The following TP73 variants were observed in gnomAD, a reference collection of about 807,000 sequenced individuals.
TP73 encodes p53-like transcription factor.
TP73 carries 25 observed loss-of-function variants against 62.5 expected under a neutral mutation model. The ratio of observed to expected loss-of-function variants is 0.40; its 90% CI spans 0.29 to 0.56. The LOEUF (loss-of-function observed/expected upper bound fraction) is 0.56. Among genes scored for constraint, TP73 ranks in the 20% least tolerant of loss-of-function variants. The pLI is 0.46. For missense variants in TP73, 754 were observed against 913.3 expected (o/e 0.83, Z 2.25); for synonymous variants, 423 against 377.5 (o/e 1.12, Z -1.40).
chr1:3,678,728 C>T (rs1645433422), intron 1 of TP73, among the ~76,000 whole-genome samples: 1 of 152,128 alleles, frequency 6.6e-6, no homozygotes, highest in South Asian at 2.1e-4. Flanking sequence ...CCTCAGGGGG[C>T]CTGTCCCAGG....
chr1:3,669,246 G>A (rs1356773161), intron 1 of TP73, among the ~76,000 whole-genome samples: 2 of 152,188 alleles, frequency 1.3e-5, no homozygotes, highest in Admixed American at 1.3e-4. Context: ...CAGTGGCTCC[G>A]GGGGCCCACC....
chr1:3,692,842 G>A (rs1645886985), intron 3 of TP73, among the ~76,000 whole-genome samples: 1 of 152,100 alleles, frequency 6.6e-6, no homozygotes, highest in Non-Finnish European at 1.5e-5. Flanking sequence ...CCCGGGAGGG[G>A]TGGGGAGGTG....
At chr1:3,679,630 GTCTC>G (rs1306600570) in intron 1 of TP73, among the ~76,000 whole-genome samples, 6 of 146,622 alleles carry the variant, frequency 4.1e-5, no homozygotes, top group African/African-American at 1.0e-4. Context: ...CTTTGTCCCT[GTCTC>G]TCTGTCTCTG....
chr1:3,702,428 C>T (rs1031703606), intron 3 of TP73, among the ~76,000 whole-genome samples: 25 of 152,136 alleles, frequency 1.6e-4, no homozygotes, highest in Non-Finnish European at 3.2e-4. Flanking sequence ...CTGGCCCAGG[C>T]GAGAGAGCAG....
intron 3 of TP73, among the ~76,000 whole-genome samples, chr1:3,689,999 C>G (rs1319950087): frequency 6.6e-6 from 1 of 152,210 alleles, no homozygotes; most frequent in African/African-American, 2.4e-5. Context: ...GTGCGGGGCA[C>G]CACTGCAGAG....
At chr1:3,714,928 T>A (rs1034901087) in intron 4 of TP73, among the ~76,000 whole-genome samples, 2 of 152,224 alleles carry the variant, frequency 1.3e-5, no homozygotes, top group African/African-American at 4.8e-5. Context: ...AGCTCATTCC[T>A]TCCCGGGCTT....
At chr1:3,709,542 T>C (rs1639960116) in intron 4 of TP73, among the ~76,000 whole-genome samples, 1 of 152,174 alleles carries the variant, frequency 6.6e-6, no homozygotes, top group Non-Finnish European at 1.5e-5. Context: ...AGTGGTTCCG[T>C]GGCAGCTGCA....
At chr1:3,729,569 G>T (rs927954010) in intron 10 of TP73, 121 bp downstream of exon 10, 12 of 1,561,570 alleles carry the variant, frequency 7.7e-6, no homozygotes, top group Non-Finnish European at 1.0e-5. Flanking sequence ...ACAGGCAGCA[G>T]GGTCCAGAGC....
chr1:3,716,672 G>A (rs1356546480), intron 4 of TP73, among the ~76,000 whole-genome samples: 1 of 152,194 alleles, frequency 6.6e-6, no homozygotes, highest in African/African-American at 2.4e-5. Flanking sequence ...CCACGAAGGG[G>A]GCTGTCACCA....
At chr1:3,686,230 G>A (rs1036515253) in intron 3 of TP73, among the ~76,000 whole-genome samples, 2 of 152,248 alleles carry the variant, frequency 1.3e-5, no homozygotes, top group African/African-American at 4.8e-5. Context: ...GCAGTGGGGC[G>A]TGCCTTCCGC....
At chr1:3,704,725 C>CTGA in intron 3 of TP73, among the ~76,000 whole-genome samples, 1 of 152,272 alleles carries the variant, frequency 6.6e-6, no homozygotes, top group East Asian at 1.9e-4. Flanking sequence ...TCTTGGGCCT[C>CTGA]GGTGAGGAGT....
At chr1:3,665,294 C>A (rs556073768) in intron 1 of TP73, among the ~76,000 whole-genome samples, 17 of 151,966 alleles carry the variant, frequency 1.1e-4, no homozygotes, top group South Asian at 4.2e-4. Flanking sequence ...TTGTGAAAGT[C>A]CCCCCCAAGC....
In TP73 at chr1:3,707,684, A is replaced by T. The variant is rs770818561; in HGVS notation, c.322A>T (p.Thr108Ser). Residue 108 changes from threonine (T) to serine (S), a missense_variant, in exon 4 of 14, where the codon ACC becomes TCC. Thr to Ser is a moderately conservative substitution (Grantham distance 58). Transcript: ENST00000378295. ...PYAQPSSTFDTMSPAPVIPSN... is the reference protein window; with the variant it reads ...PYAQPSSTFDSMSPAPVIPSN... ...CGCACAACCCAGCTCCACCTTCGAC[A>T]CCATGTCGCCGGCGCCTGTCATCCC... The T allele has an allele frequency of 1.9e-6, 3 of 1,612,974 alleles. No individual in the cohort carries two copies.
chr1:3,730,606 C>T (rs1229128273), intron 11 of TP73, among the ~76,000 whole-genome samples: 1 of 152,164 alleles, frequency 6.6e-6, no homozygotes, highest in Non-Finnish European at 1.5e-5. Flanking sequence ...AAGCATGTTC[C>T]CAGTGCCGTG....
intron 4 of TP73, chr1:3,714,109 CAA>C (rs959722184): frequency 6.6e-6 from 1 of 152,138 alleles, no homozygotes; most frequent in African/African-American, 2.4e-5. Flanking sequence ...ATTCGGAGGC[CAA>C]AATTCTCCTT....
chr1:3,731,572 A>T lies in TP73; in HGVS notation c.1578+16A>T, dbSNP rs1371580394. 6.2e-7 allele frequency: 1 copy of T among 1,611,994 alleles called. No individual in the cohort carries two copies. Among genetic ancestry groups the T allele is most frequent in the Non-Finnish European group, 8.5e-7 (1 of 1,178,844 alleles). ...GACCATTGAGGTAACGCCCGGGTGG[A>T]CCCCGCTCTGCAGAGGCAGTAGCTG... On this transcript the variant is annotated intron_variant, in intron 13 of 13. Coordinates refer to ENST00000378295, the MANE Select transcript of TP73 (RefSeq NM_005427.4).
chr1:3,682,255 C>T (rs927078466), intron 1 of TP73, 78 bp from the exon 2 acceptor site: 18 of 1,152,432 alleles, frequency 1.6e-5, no homozygotes, highest in South Asian at 4.9e-5. Context: ...ACTTGCCTGC[C>T]GCCCCCACCG....
At position 3,733,958 on chromosome 1, in the gene TP73, T is replaced by C. The variant is rs530840791; in HGVS notation, c.*879T>C. On this transcript the variant is annotated 3_prime_UTR_variant, in exon 14 of 14. Coordinates refer to ENST00000378295, the MANE Select transcript of TP73 (RefSeq NM_005427.4). ...TTTTTAACTTTCTTTCTCAGCATTC[T>C]CTTTGGAGTTCAACCTAGCGCCCAT... The C allele has an allele frequency of 6.7e-6, 1 of 149,934 alleles. No individual in the cohort carries two copies. The highest frequency in any genetic ancestry group is 2.4e-5 in the African/African-American group (1 of 40,846). 9.3% of individuals were successfully genotyped at this position (149,934 alleles called of 1,614,324 possible). A position where few individuals can be genotyped will look rare whatever the true frequency, so the allele number is the denominator to read the frequency against.
chr1:3,668,865 C>G (rs1430004194), intron 1 of TP73: 1 of 152,524 alleles, frequency 6.6e-6, no homozygotes, highest in Non-Finnish European at 1.5e-5. Flanking sequence ...GAGCTCGGCC[C>G]TGTCAGTCGC....
Sources: gnomAD v4.1 joint callset for allele counts (sites outside exome capture counted in the v4.1 genomes callset) on GRCh38, gnomAD v4.1.1 for gene constraint, MANE v1.5 for transcripts, NCBI Gene and HGNC (gene_info 2026-07-23, HGNC 2026-07-21) for gene names.